SH3RF3: variants seen among roughly 807,000 people sequenced by gnomAD.
The protein encoded by SH3RF3 is SH3 domain containing ring finger 3.
Under a neutral mutation model 66.3 loss-of-function variants are expected in SH3RF3, and 29 were observed. The ratio of observed to expected loss-of-function variants is 0.44; its 90% CI spans 0.33 to 0.60. The LOEUF (loss-of-function observed/expected upper bound fraction) is 0.60. SH3RF3 is among the 20% of genes least tolerant of loss of function. The pLI is 0.04. For missense variants in SH3RF3, 1,194 were observed against 1,190.9 expected (o/e 1.00, Z -0.04); for synonymous variants, 583 against 532.0 (o/e 1.10, Z -1.32).
At chr2:109,170,173 G>A (rs952032724) in intron 1 of SH3RF3, among the ~76,000 whole-genome samples, 2 of 152,022 alleles carry the variant, frequency 1.3e-5, no homozygotes, top group Admixed American at 6.5e-5. Context: ...GTCGGCTCTT[G>A]TTTCCTTATC....
intron 9 of SH3RF3, among the ~76,000 whole-genome samples, chr2:109,494,817 C>A (rs1679218829): frequency 6.6e-6 from 1 of 152,166 alleles, no homozygotes; most frequent in Admixed American, 6.5e-5. Context: ...CAGACTCCTC[C>A]AGATCTCAAC....
intron 1 of SH3RF3, among the ~76,000 whole-genome samples, chr2:109,135,674 G>C (rs80242764): frequency 1.3e-5 from 2 of 151,930 alleles, no homozygotes; most frequent in Admixed American, 6.6e-5. Flanking sequence ...GCATGGGGGG[G>C]TGTGTGTGTG....
chr2:109,134,200 A>G (rs1318639385), intron 1 of SH3RF3, among the ~76,000 whole-genome samples: 2 of 152,168 alleles, frequency 1.3e-5, no homozygotes, highest in African/African-American at 4.8e-5. Context: ...AGAGAGATTG[A>G]TATTTGGGCA....
At chr2:109,407,064 A>C (rs1676469961) in intron 4 of SH3RF3, among the ~76,000 whole-genome samples, 1 of 152,206 alleles carries the variant, frequency 6.6e-6, no homozygotes, top group Admixed American at 6.5e-5. Flanking sequence ...GTGTGCAAGC[A>C]TATACCCACT....
chr2:109,485,489 G>C (rs1678944618), intron 8 of SH3RF3, among the ~76,000 whole-genome samples: 1 of 152,200 alleles, frequency 6.6e-6, no homozygotes, highest in South Asian at 2.1e-4. Flanking sequence ...CTTTTGCCAA[G>C]TTTTTATACT....
chr2:109,484,586 A>G (rs1291821832), intron 8 of SH3RF3, among the ~76,000 whole-genome samples: 1 of 152,132 alleles, frequency 6.6e-6, no homozygotes, highest in Non-Finnish European at 1.5e-5. Flanking sequence ...CAGCTAATCA[A>G]CAGCAAAGCT....
intron 1 of SH3RF3, among the ~76,000 whole-genome samples, chr2:109,254,295 G>C (rs1680167656): frequency 6.6e-6 from 1 of 152,190 alleles, no homozygotes; most frequent in African/African-American, 2.4e-5. Context: ...TAGTGGCTTA[G>C]AGTGCAGACC....
Position 109,224,772 on chromosome 2 carries a change from G to A in SH3RF3, c.573+94659G>A, listed in dbSNP as rs574023653. On this transcript the variant is annotated intron_variant, in intron 1 of 9. Coordinates refer to ENST00000309415, the MANE Select transcript of SH3RF3 (RefSeq NM_001099289.3). Reference sequence around the variant, plus strand: ...CTTGGGAGGCTGAGGCATTAGAATCGCTTGAAACCTGGAGAGGGAGGTTGC... The same window carrying A: ...CTTGGGAGGCTGAGGCATTAGAATCACTTGAAACCTGGAGAGGGAGGTTGC... 8.5e-5 allele frequency among the ~76,000 whole-genome samples: 13 copies of A among 152,248 alleles called. No homozygotes were observed. In the East Asian group the frequency reaches 9.6e-4, roughly 11 times the overall value.
At chr2:109,261,072 G>A (rs1224083686) in intron 1 of SH3RF3, among the ~76,000 whole-genome samples, 5 of 152,172 alleles carry the variant, frequency 3.3e-5, no homozygotes, top group Non-Finnish European at 7.4e-5. Context: ...GGCCTGAAGT[G>A]TCTTACACGG....
At chr2:109,160,194 G>A (rs186868655) in intron 1 of SH3RF3, among the ~76,000 whole-genome samples, 1 of 152,294 alleles carries the variant, frequency 6.6e-6, no homozygotes, top group East Asian at 1.9e-4. Flanking sequence ...CCCTCAGGAA[G>A]CTGAGGGTCT....
At chr2:109,173,768 T>C (rs1379958921) in intron 1 of SH3RF3, among the ~76,000 whole-genome samples, 1 of 152,108 alleles carries the variant, frequency 6.6e-6, no homozygotes, top group Non-Finnish European at 1.5e-5. Flanking sequence ...CTGCCTGTGG[T>C]GTGTGCTGTG....
intron 1 of SH3RF3, among the ~76,000 whole-genome samples, chr2:109,164,306 C>T (rs554926256): frequency 6.6e-6 from 1 of 152,246 alleles, no homozygotes; most frequent in African/African-American, 2.4e-5. Context: ...CCTCAGCCTC[C>T]CTGAGTAGCT....
At chr2:109,443,790 C>T (rs1677637220) in intron 7 of SH3RF3, among the ~76,000 whole-genome samples, 1 of 152,166 alleles carries the variant, frequency 6.6e-6, no homozygotes, top group Non-Finnish European at 1.5e-5. Flanking sequence ...AACAAATCTA[C>T]AATTATGGTC....
At chr2:109,330,668 G>A (rs1332945848) in intron 1 of SH3RF3, among the ~76,000 whole-genome samples, 2 of 152,142 alleles carry the variant, frequency 1.3e-5, no homozygotes, top group East Asian at 3.9e-4. Context: ...AGATTGAGGA[G>A]TGATGGATGG....
rs1679106092 is a variant in SH3RF3 at position 109,490,697 on chromosome 2, C to T, written c.2241C>T (p.Asp747=). The change falls in exon 9 of 10, where the codon GAC becomes GAT. Residue 747 remains aspartate, a synonymous_variant. Transcript: ENST00000309415. The part of the protein sequence containing the change: ...RSPPSVSPTH[D]PQVAVDALLQ... ...CGCCATCTGTGTCTCCAACCCACGA[C>T]CCCCAGGTGGCCGTGGACGCCCTGC... The T allele has an allele frequency of 6.5e-7, 1 of 1,533,466 alleles. No individual in the cohort carries two copies. The highest frequency in any genetic ancestry group is 8.7e-7 in the Non-Finnish European group (1 of 1,144,144). 95.0% of individuals were successfully genotyped at this position (1,533,466 alleles called of 1,614,324 possible).
In SH3RF3 at chr2:109,416,543, C is replaced by T. The variant is rs557779893; in HGVS notation, c.1300-2996C>T. On this transcript the variant is annotated intron_variant, in intron 4 of 9. Coordinates refer to ENST00000309415, the MANE Select transcript of SH3RF3 (RefSeq NM_001099289.3). The stretch of plus-strand genomic sequence containing the variant: ...GGGATTACAGGCGTGCGCCATCATG[C>T]CTGGCTAATTTTTGTATTTTTAGTA... 1.5e-3 allele frequency among the ~76,000 whole-genome samples: 234 copies of T among 152,286 alleles called. 1 individual carries two copies. Among genetic ancestry groups the T allele is most frequent in the African/African-American group, 5.5e-3 (227 of 41,562 alleles).
chr2:109,247,965 C>T (rs1416587954), intron 1 of SH3RF3, among the ~76,000 whole-genome samples: 1 of 152,144 alleles, frequency 6.6e-6, no homozygotes, highest in Admixed American at 6.5e-5. Flanking sequence ...TTTAAACCTC[C>T]ATCTGCATCA....
chr2:109,433,608 G>A (rs1469556715), intron 6 of SH3RF3, among the ~76,000 whole-genome samples: 5 of 152,210 alleles, frequency 3.3e-5, no homozygotes, highest in African/African-American at 4.8e-5. Context: ...TAAATAACCT[G>A]TAGACCCTGC....
At chr2:109,241,596 G>T (rs951891651) in intron 1 of SH3RF3, among the ~76,000 whole-genome samples, 1 of 152,046 alleles carries the variant, frequency 6.6e-6, no homozygotes, top group Non-Finnish European at 1.5e-5. Flanking sequence ...TTGAGGTTTG[G>T]CTTGGTTCGG....
Sources: allele counts gnomAD v4.1 joint callset (sites outside exome capture counted in the v4.1 genomes callset), GRCh38; gene constraint gnomAD v4.1.1; transcripts MANE v1.5; gene names NCBI Gene and HGNC (gene_info 2026-07-23, HGNC 2026-07-21).